Variants in DAW1 observed in about 807,000 individuals in gnomAD.
The protein encoded by DAW1 is dynein assembly factor with WD repeats 1, also known as dynein assembly factor with WD repeat domains 1.
Under a neutral mutation model 56.5 loss-of-function variants are expected in DAW1, and 47 were observed. That is an observed-to-expected ratio of 0.83 (90% confidence interval 0.66 to 1.06). DAW1 has a LOEUF of 1.06. DAW1 is among the 50% of genes least tolerant of loss of function. The pLI, the probability that DAW1 is intolerant of heterozygous loss-of-function variation, is 0.00. For synonymous variants in DAW1, 190 were observed against 179.0 expected, an observed-to-expected ratio of 1.06 and a Z score of -0.49; for missense variants, 505 against 499.3, an observed-to-expected ratio of 1.01 and a Z score of -0.11.
chr2:227,898,539 C>G (rs1314975511), intron 6 of DAW1, among the ~76,000 whole-genome samples: 1 of 152,100 alleles, frequency 6.6e-6, no homozygotes, highest in Non-Finnish European at 1.5e-5. Flanking sequence ...CCAGGATGGT[C>G]TCAATCTCTT....
intron 10 of DAW1, among the ~76,000 whole-genome samples, chr2:227,915,320 A>G (rs1159077903): frequency 6.6e-6 from 1 of 151,992 alleles, no homozygotes; most frequent in Non-Finnish European, 1.5e-5. Context: ...TTTGATGGTA[A>G]TGTATGGTGT....
chr2:227,923,062 G>A (rs953184407), intron 12 of DAW1, among the ~76,000 whole-genome samples: 6 of 152,320 alleles, frequency 3.9e-5, no homozygotes, highest in East Asian at 3.9e-4. Context: ...TGTGCCTTGC[G>A]TTGGTGCCAG....
At chr2:227,876,377 T>A in intron 1 of DAW1, 1 of 1,225,554 alleles carries the variant, frequency 8.2e-7, no homozygotes, top group Non-Finnish European at 1.1e-6. Flanking sequence ...GACTATTGCC[T>A]TAATGCTTAT....
chr2:227,922,619 A>G (rs1175428491), intron 12 of DAW1, among the ~76,000 whole-genome samples: 1 of 152,202 alleles, frequency 6.6e-6, no homozygotes, highest in African/African-American at 2.4e-5. Context: ...CTGGCTTTAC[A>G]TATTGGCCAA....
At position 227,924,095 on chromosome 2, in the gene DAW1, C is replaced by T; in HGVS notation, c.*127C>T. ...TTCTGCAAGTCAACTATTTCTACAA[C>T]TGTCCTTCATTTCACAGATATGACC... On this transcript the variant is annotated 3_prime_UTR_variant, in exon 13 of 13. Transcript: ENST00000309931. The T allele has an allele frequency of 8.9e-7, 1 of 1,124,016 alleles. No homozygotes were observed. The allele number at this position is 1,124,016 out of a possible 1,614,324, so 69.6% of individuals were successfully genotyped here. A position where few individuals can be genotyped will look rare whatever the true frequency, so the allele number is the denominator to read the frequency against.
intron 5 of DAW1, 50 bp from the exon 6 acceptor site, chr2:227,898,131 AT>A: frequency 7.8e-7 from 1 of 1,275,372 alleles, no homozygotes; most frequent in Non-Finnish European, 1.1e-6. Flanking sequence ...AGTTCAGTTT[AT>A]TATATAATGT....
intron 6 of DAW1, among the ~76,000 whole-genome samples, chr2:227,899,214 A>C (rs114451031): frequency 2.0e-3 from 307 of 152,366 alleles, no homozygotes; most frequent in African/African-American, 6.9e-3. Context: ...TAAATAAGGA[A>C]AAATTGATCT....
At chr2:227,894,654 G>T (rs1374755129) in intron 5 of DAW1, among the ~76,000 whole-genome samples, 1 of 152,160 alleles carries the variant, frequency 6.6e-6, no homozygotes, top group Non-Finnish European at 1.5e-5. Flanking sequence ...GGAAAAAAAT[G>T]TGTGTGGTAA....
intron 10 of DAW1, among the ~76,000 whole-genome samples, chr2:227,912,067 A>G (rs181565191): frequency 1.3e-4 from 20 of 152,264 alleles, no homozygotes; most frequent in Non-Finnish European, 2.4e-4. Flanking sequence ...CTGTGTGTCT[A>G]TACTGTGCTA....
chr2:227,905,815 C>T (rs957269500), intron 8 of DAW1, among the ~76,000 whole-genome samples: 1 of 152,180 alleles, frequency 6.6e-6, no homozygotes, highest in South Asian at 2.1e-4. Context: ...AGTGCAGTGG[C>T]GTGATCTCGG....
chr2:227,876,494 G>A, intron 1 of DAW1: 1 of 1,301,584 alleles, frequency 7.7e-7, no homozygotes, highest in South Asian at 1.2e-5. Flanking sequence ...CTGAATAGCA[G>A]GTGGGTGTTT....
intron 12 of DAW1, among the ~76,000 whole-genome samples, chr2:227,922,145 C>T (rs1028973702): frequency 1.3e-5 from 2 of 152,086 alleles, no homozygotes; most frequent in East Asian, 1.9e-4. Flanking sequence ...AGAGTAAGAC[C>T]CTGTCTCAAG....
intron 6 of DAW1, among the ~76,000 whole-genome samples, chr2:227,902,244 G>A (rs369291782): frequency 6.6e-6 from 1 of 152,290 alleles, no homozygotes; most frequent in African/African-American, 2.4e-5. Flanking sequence ...GAAGCAGGTG[G>A]TTGGATAAAA....
intron 10 of DAW1, among the ~76,000 whole-genome samples, chr2:227,911,446 A>G (rs1014502529): frequency 6.6e-6 from 1 of 151,316 alleles, no homozygotes; most frequent in Non-Finnish European, 1.5e-5. Flanking sequence ...TTAAAAGGAC[A>G]CAATTCAGCA....
chr2:227,900,526 T>G (rs924031727), intron 6 of DAW1, among the ~76,000 whole-genome samples: 2 of 152,152 alleles, frequency 1.3e-5, no homozygotes, highest in African/African-American at 4.8e-5. Context: ...TGGATGGGGA[T>G]TTCAGTGTGG....
Position 227,871,665 on chromosome 2 carries a change from C to A in DAW1, c.-25C>A, listed in dbSNP as rs1242636195. On this transcript the variant is annotated 5_prime_UTR_variant, in exon 1 of 13. Transcript: ENST00000309931. ...CCGTTTCCAAGGCTACGAAGCCCAT[C>A]GGCCGGGGATAAGAGAGCAAGAAAA... The A allele has an allele frequency of 1.9e-6, 3 of 1,611,872 alleles. No individual in the cohort carries two copies. Among genetic ancestry groups the A allele is most frequent in the South Asian group, 1.1e-5 (1 of 90,598 alleles).
At chr2:227,893,390 G>T (rs1427783581) in intron 4 of DAW1, among the ~76,000 whole-genome samples, 4 of 151,902 alleles carry the variant, frequency 2.6e-5, no homozygotes, top group Admixed American at 1.3e-4. Flanking sequence ...AATAGGCCAG[G>T]CGTGGTGTGT....
At chr2:227,892,306 G>C (rs1691284023) in intron 4 of DAW1, among the ~76,000 whole-genome samples, 1 of 151,718 alleles carries the variant, frequency 6.6e-6, no homozygotes, top group Non-Finnish European at 1.5e-5. Flanking sequence ...CTAATTTTTT[G>C]TATTTTTAGC....
At chr2:227,918,688 CA>C (rs1465620795) in intron 10 of DAW1, 91 bp from the exon 11 acceptor site, 4 of 1,364,144 alleles carry the variant, frequency 2.9e-6, no homozygotes, top group African/African-American at 2.9e-5. Flanking sequence ...GCTCGTGTGT[CA>C]GGGGGATATA....
Sources: allele counts gnomAD v4.1 joint callset (sites outside exome capture counted in the v4.1 genomes callset), GRCh38; gene constraint gnomAD v4.1.1; transcripts MANE v1.5; gene names NCBI Gene and HGNC (gene_info 2026-07-23, HGNC 2026-07-21).